PPM1H: variants seen among roughly 807,000 people sequenced by gnomAD.
PPM1H encodes the protein protein phosphatase, Mg2+/Mn2+ dependent 1H.
PPM1H carries 27 observed loss-of-function variants against 54.9 expected under a neutral mutation model. The observed-to-expected ratio is 0.49, with a 90% CI of 0.36 to 0.68. The LOEUF is 0.68. Among genes scored for constraint, PPM1H ranks in the 30% least tolerant of loss-of-function variants. The pLI, the probability that PPM1H is intolerant of heterozygous loss-of-function variation, is 0.00. For synonymous variants in PPM1H, 305 were observed against 270.8 expected, an observed-to-expected ratio of 1.13 and a Z score of -1.24; for missense variants, 596 against 667.8, an observed-to-expected ratio of 0.89 and a Z score of 1.19.
chr12:62,755,781 A>T (rs2076470278), intron 4 of PPM1H: 2 of 944,400 alleles, frequency 2.1e-6, no homozygotes, highest in Non-Finnish European at 3.4e-6. Flanking sequence ...ACTGCCACCC[A>T]GAAGACTGTG....
chr12:62,788,309 T>A lies in PPM1H; in HGVS notation c.786A>T (p.Ser262=). 6.3e-7 allele frequency: 1 copy of A among 1,584,920 alleles called. No homozygotes were observed. The highest frequency in any genetic ancestry group is 8.6e-7 in the Non-Finnish European group (1 of 1,164,074). The part of the protein sequence containing the change: ...MDLQIERERS[S]YNISGGCTAL... Reference sequence around the variant, plus strand: ...CCGTGCAGCCACCAGATATATTATATGAACTCCTCTCTCGTTCTATCTGTA... The same window carrying A: ...CCGTGCAGCCACCAGATATATTATAAGAACTCCTCTCTCGTTCTATCTGTA... The change falls in exon 4 of 10, where the codon TCA becomes TCT. Residue 262 remains serine (S), a synonymous_variant. Coordinates refer to ENST00000228705, the MANE Select transcript of PPM1H (RefSeq NM_020700.2).
chr12:62,900,193 T>G (rs2121110993), intron 1 of PPM1H, among the ~76,000 whole-genome samples: 1 of 152,376 alleles, frequency 6.6e-6, no homozygotes, highest in South Asian at 2.1e-4. Flanking sequence ...CTCTGAATAC[T>G]GACTTCCTCG....
At chr12:62,721,988 A>C (rs907830585) in intron 5 of PPM1H, among the ~76,000 whole-genome samples, 1 of 152,138 alleles carries the variant, frequency 6.6e-6, no homozygotes, top group Non-Finnish European at 1.5e-5. Flanking sequence ...TGAAAAACAG[A>C]AACAGGGAGC....
chr12:62,726,385 G>A (rs1255295131), intron 5 of PPM1H, among the ~76,000 whole-genome samples: 1 of 151,990 alleles, frequency 6.6e-6, no homozygotes, highest in Admixed American at 6.6e-5. Flanking sequence ...AAAGTTATCT[G>A]AGGGTTTTCT....
intron 4 of PPM1H, among the ~76,000 whole-genome samples, chr12:62,753,538 G>C (rs2076453845): frequency 6.6e-6 from 1 of 152,254 alleles, no homozygotes; most frequent in Non-Finnish European, 1.5e-5. Flanking sequence ...ATTTGACTGA[G>C]CTATAGCTTA....
At chr12:62,705,392 G>C (rs895431767) in intron 6 of PPM1H, among the ~76,000 whole-genome samples, 1 of 152,216 alleles carries the variant, frequency 6.6e-6, no homozygotes, top group Non-Finnish European at 1.5e-5. Context: ...TGAGCACCTA[G>C]TAGGTGCCGG....
At chr12:62,929,731 T>C (rs1320882906) in intron 1 of PPM1H, among the ~76,000 whole-genome samples, 2 of 152,166 alleles carry the variant, frequency 1.3e-5, no homozygotes, top group Admixed American at 6.5e-5. Flanking sequence ...ATGATTTCTT[T>C]ATAATGCTAT....
chr12:62,654,697 T>G (rs1456695871), intron 9 of PPM1H, among the ~76,000 whole-genome samples: 10 of 152,192 alleles, frequency 6.6e-5, no homozygotes, highest in Non-Finnish European at 1.5e-4. Context: ...AAGAACTGAG[T>G]TGCTGCAGAC....
At chr12:62,813,076 C>T (rs1382377895) in intron 2 of PPM1H, among the ~76,000 whole-genome samples, 1 of 151,990 alleles carries the variant, frequency 6.6e-6, no homozygotes, top group African/African-American at 2.4e-5. Flanking sequence ...TTGTGAGGTA[C>T]CCATCCCCTC....
intron 1 of PPM1H, among the ~76,000 whole-genome samples, chr12:62,890,716 AT>A (rs1870758697): frequency 4.5e-5 from 4 of 89,480 alleles, no homozygotes; most frequent in Non-Finnish European, 5.9e-5. Flanking sequence ...GTGTGTGTGT[AT>A]ACACACACAC....
chr12:62,864,452 A>G (rs1869706386), intron 1 of PPM1H, among the ~76,000 whole-genome samples: 1 of 152,234 alleles, frequency 6.6e-6, no homozygotes, highest in Non-Finnish European at 1.5e-5. Context: ...GAACTGTGCA[A>G]TGAGCACTTG....
At chr12:62,674,901 T>A (rs548792226) in intron 8 of PPM1H, among the ~76,000 whole-genome samples, 1 of 152,216 alleles carries the variant, frequency 6.6e-6, no homozygotes, top group South Asian at 2.1e-4. Context: ...TTCTCCAATC[T>A]CCCCTGTCTC....
chr12:62,720,278 C>A lies in PPM1H; in HGVS notation c.966G>T (p.Gln322His), dbSNP rs752524493. 3.1e-6 allele frequency: 5 copies of A among 1,610,596 alleles called. No homozygotes were observed. The highest frequency in any genetic ancestry group is 2.5e-6 in the Non-Finnish European group (3 of 1,176,868). Residue 322 changes from glutamine to histidine, a missense_variant, in exon 6 of 10, where the codon CAG becomes CAT. Around this residue, in one of 3 missense-constraint regions of PPM1H, gnomAD observed 208 missense variants for 259.5 expected, o/e 0.80. Coordinates refer to ENST00000228705, the MANE Select transcript of PPM1H (RefSeq NM_020700.2). ...RQRLQYLAFM[Q>H]PHLLGNEFTH... The stretch of plus-strand genomic sequence containing the variant: ...TGAACTCATTTCCCAGCAAGTGAGG[C>A]TGCATGAATGCCTAATAGCAAAAAG...
chr12:62,785,824 G>T (rs2076667385), intron 4 of PPM1H, among the ~76,000 whole-genome samples: 1 of 149,936 alleles, frequency 6.7e-6, no homozygotes, highest in Non-Finnish European at 1.5e-5. Context: ...CTTTTAAGGA[G>T]CCTGGAGCTT....
chr12:62,879,770 T>TA, intron 1 of PPM1H, among the ~76,000 whole-genome samples: 1 of 151,766 alleles, frequency 6.6e-6, no homozygotes. Context: ...ATAATAATAA[T>TA]AAAAAATTAA....
intron 4 of PPM1H, among the ~76,000 whole-genome samples, chr12:62,750,233 C>G (rs115249199): frequency 0.023 from 3,430 of 152,284 alleles, 111 homozygotes; most frequent in African/African-American, 0.077. Context: ...TTTTCAAAAT[C>G]TGAAAAAGGA....
At chr12:62,896,712 A>T (rs901221936) in intron 1 of PPM1H, among the ~76,000 whole-genome samples, 1 of 152,216 alleles carries the variant, frequency 6.6e-6, no homozygotes, top group African/African-American at 2.4e-5. Flanking sequence ...AGGATCTAGA[A>T]CTAGAAATAC....
intron 1 of PPM1H, among the ~76,000 whole-genome samples, chr12:62,903,853 G>C (rs1352924987): frequency 6.6e-6 from 1 of 152,156 alleles, no homozygotes; most frequent in East Asian, 1.9e-4. Context: ...TTCTAGAAGA[G>C]AACTGAGAAA....
chr12:62,863,241 C>T (rs1463014317), intron 1 of PPM1H, among the ~76,000 whole-genome samples: 1 of 151,934 alleles, frequency 6.6e-6, no homozygotes, highest in Non-Finnish European at 1.5e-5. Context: ...GTTGCCAAGA[C>T]TGGTCTCAAA....
Sources: gnomAD v4.1 joint callset for allele counts (sites outside exome capture counted in the v4.1 genomes callset) on GRCh38, gnomAD v4.1.1 for gene constraint, gnomAD v4.1.1 regional missense constraint, MANE v1.5 for transcripts, NCBI Gene and HGNC (gene_info 2026-07-23, HGNC 2026-07-21) for gene names.